The following BTBD9 variants were observed in gnomAD, a reference collection of about 807,000 sequenced individuals.
BTBD9 encodes the protein BTB/POZ domain-containing protein 9.
Under a neutral mutation model 64.3 loss-of-function variants are expected in BTBD9, and 49 were observed. The observed-to-expected ratio is 0.76, with a 90% CI of 0.61 to 0.97. The LOEUF is 0.97. Ranked by LOEUF, BTBD9 falls within the 50% of genes least tolerant of loss-of-function variation. BTBD9 has a pLI of 0.00. For missense variants in BTBD9, 598 were observed against 762.1 expected, an observed-to-expected ratio of 0.78 and a Z score of 2.53; for synonymous variants, 260 against 274.7, an observed-to-expected ratio of 0.95 and a Z score of 0.53.
intron 6 of BTBD9, among the ~76,000 whole-genome samples, chr6:38,388,978 G>T (rs2127620737): frequency 6.6e-6 from 1 of 152,206 alleles, no homozygotes; most frequent in South Asian, 2.1e-4. Flanking sequence ...AACAAAGGGG[G>T]AAAATGACAA....
At chr6:38,613,589 T>C (rs1200074431) in intron 1 of BTBD9, among the ~76,000 whole-genome samples, 1 of 151,994 alleles carries the variant, frequency 6.6e-6, no homozygotes, top group Non-Finnish European at 1.5e-5. Context: ...GGGCGACAGG[T>C]TGAGTCTCTT....
At chr6:38,180,358 C>T (rs753603263) in intron 10 of BTBD9, among the ~76,000 whole-genome samples, 60 of 152,130 alleles carry the variant, frequency 3.9e-4, no homozygotes, top group Non-Finnish European at 5.7e-4. Flanking sequence ...GGAAGGGAGG[C>T]GGCAGTGCTT....
chr6:38,231,443 G>A (rs1466769160), intron 9 of BTBD9, among the ~76,000 whole-genome samples: 1 of 152,158 alleles, frequency 6.6e-6, no homozygotes. Context: ...GAGAGTTGCT[G>A]CTTAATCAGA....
chr6:38,639,609 G>A (rs766434587), intron 1 of BTBD9, among the ~76,000 whole-genome samples, 191 bp downstream of exon 1: 34 of 152,116 alleles, frequency 2.2e-4, no homozygotes, highest in Non-Finnish European at 3.4e-4. Context: ...CGAACGGGAC[G>A]GCTACCGCTC....
Position 38,328,808 on chromosome 6 carries a change from G to A in BTBD9, c.1264+16176C>T, listed in dbSNP as rs1023332163. 1.7e-4 allele frequency among the ~76,000 whole-genome samples: 26 copies of A among 151,978 alleles called. No homozygotes were observed. The East Asian group carries it at 1.7e-3, about 10-fold the overall frequency. The stretch of plus-strand genomic sequence containing the variant: ...TAAAAATACAAAAAATTAGCCAGGC[G>A]TGGTGGCGGGTGCCCAGAGTCCCAG... On this transcript the variant is annotated intron_variant, in intron 7 of 10. Coordinates refer to ENST00000481247, the MANE Select transcript of BTBD9 (RefSeq NM_001099272.2).
At chr6:38,599,485 T>C (rs528480432) in intron 1 of BTBD9, among the ~76,000 whole-genome samples, 6 of 152,308 alleles carry the variant, frequency 3.9e-5, no homozygotes, top group African/African-American at 1.4e-4. Context: ...TGTAAGTAAC[T>C]GGCAAGTATG....
chr6:38,449,184 C>A (rs1458354866), intron 6 of BTBD9, among the ~76,000 whole-genome samples: 1 of 152,058 alleles, frequency 6.6e-6, no homozygotes, highest in African/African-American at 2.4e-5. Context: ...GGGGGAAGAG[C>A]TAAAATCACA....
intron 4 of BTBD9, among the ~76,000 whole-genome samples, chr6:38,580,954 AGGCCGAGGTG>A (rs1776256743): frequency 1.3e-5 from 2 of 152,302 alleles, no homozygotes; most frequent in South Asian, 4.1e-4. Flanking sequence ...GCACTTTGGG[AGGCCGAGGTG>A]GGCGGATCAC....
intron 7 of BTBD9, among the ~76,000 whole-genome samples, chr6:38,296,590 C>T (rs1762164930): frequency 6.6e-6 from 1 of 152,000 alleles, no homozygotes; most frequent in Non-Finnish European, 1.5e-5. Context: ...TAGTATTTTA[C>T]TTCTAACTCC....
At chr6:38,544,309 T>C (rs1774429957) in intron 6 of BTBD9, among the ~76,000 whole-genome samples, 1 of 152,110 alleles carries the variant, frequency 6.6e-6, no homozygotes, top group Admixed American at 6.5e-5. Flanking sequence ...TTAGTATCCA[T>C]GGGAGTCCCC....
At chr6:38,527,489 C>T (rs1468642844) in intron 6 of BTBD9, among the ~76,000 whole-genome samples, 2 of 151,956 alleles carry the variant, frequency 1.3e-5, no homozygotes, top group Admixed American at 1.3e-4. Context: ...TGAGTTCTCA[C>T]GAGAGGTGAT....
chr6:38,300,000 G>GT (rs1450622819), intron 7 of BTBD9, among the ~76,000 whole-genome samples: 1 of 152,104 alleles, frequency 6.6e-6, no homozygotes, highest in Non-Finnish European at 1.5e-5. Context: ...GGTCTAACAT[G>GT]TAAGTCTTTA....
intron 9 of BTBD9, among the ~76,000 whole-genome samples, chr6:38,239,454 A>AC: frequency 6.6e-6 from 1 of 151,552 alleles, no homozygotes; most frequent in East Asian, 2.0e-4. Flanking sequence ...AAAAAAAAAA[A>AC]AAAAAAGATA....
chr6:38,293,151 A>G (rs1762024952), intron 7 of BTBD9, among the ~76,000 whole-genome samples: 1 of 152,104 alleles, frequency 6.6e-6, no homozygotes, highest in Admixed American at 6.6e-5. Flanking sequence ...TCCACTGCTC[A>G]AGGAAATAAG....
chr6:38,292,079 A>G (rs1761986333), intron 7 of BTBD9, among the ~76,000 whole-genome samples: 1 of 151,852 alleles, frequency 6.6e-6, no homozygotes, highest in Admixed American at 6.6e-5. Context: ...CTCCTGCCTC[A>G]GCCTCCCAAG....
chr6:38,494,275 T>C (rs1451987809), intron 6 of BTBD9, among the ~76,000 whole-genome samples: 2 of 152,220 alleles, frequency 1.3e-5, no homozygotes, highest in Non-Finnish European at 2.9e-5. Flanking sequence ...TCAGCACATA[T>C]TTTCAATATC....
Position 38,465,384 on chromosome 6 carries a change from G to T in BTBD9, c.1154+112216C>A, listed in dbSNP as rs1004833386. On this transcript the variant is annotated intron_variant, in intron 6 of 10. Coordinates refer to ENST00000481247, the MANE Select transcript of BTBD9 (RefSeq NM_001099272.2). ...TGTAATCCCAGCACTTTGGGAGGCC[G>T]AGGCAGGCAGATCACGAGGTCAGGA... 1.9e-4 allele frequency among the ~76,000 whole-genome samples: 28 copies of T among 150,182 alleles called. 1 individual carries two copies. Among genetic ancestry groups the T allele is most frequent in the African/African-American group, 6.9e-4 (28 of 40,854 alleles).
At chr6:38,325,442 T>G (rs1001057346) in intron 7 of BTBD9, among the ~76,000 whole-genome samples, 1 of 152,146 alleles carries the variant, frequency 6.6e-6, no homozygotes, top group Non-Finnish European at 1.5e-5. Context: ...TCCCAGCACT[T>G]TGGGAGGCCG....
intron 6 of BTBD9, among the ~76,000 whole-genome samples, chr6:38,558,110 T>C (rs1775106974): frequency 6.6e-6 from 1 of 151,980 alleles, no homozygotes; most frequent in Non-Finnish European, 1.5e-5. Flanking sequence ...AAATAAAAAA[T>C]AAAACCAGCC....
Sources: gnomAD v4.1 joint callset for allele counts (sites outside exome capture counted in the v4.1 genomes callset) on GRCh38, gnomAD v4.1.1 for gene constraint, MANE v1.5 for transcripts, NCBI Gene and HGNC (gene_info 2026-07-23, HGNC 2026-07-21) for gene names.